PARD3: variants seen among roughly 807,000 people sequenced by gnomAD.
PARD3 encodes par-3 family cell polarity regulator.
Under a neutral mutation model 155.4 loss-of-function variants are expected in PARD3, and 75 were observed. The observed-to-expected ratio is 0.48, with a 90% CI of 0.40 to 0.58. The LOEUF is 0.58. Among genes scored for constraint, PARD3 ranks in the 20% least tolerant of loss-of-function variants. The probability of loss-of-function intolerance (pLI) is 0.00; values close to 1 mark genes in which losing one functional copy is unlikely to be tolerated. For synonymous variants in PARD3, 576 were observed against 610.5 expected (o/e 0.94, Z 0.83); for missense variants, 1,642 against 1,721.7 (o/e 0.95, Z 0.82).
intron 22 of PARD3, among the ~76,000 whole-genome samples, chr10:34,147,726 A>T (rs1452212597): frequency 6.6e-6 from 1 of 151,936 alleles, no homozygotes; most frequent in African/African-American, 2.4e-5. Context: ...TATATATATA[A>T]TTTTTTAAAA....
intron 22 of PARD3, among the ~76,000 whole-genome samples, chr10:34,145,205 ATATATATATATATATATTTTTTTT>A (rs1239749413): frequency 6.5e-5 from 4 of 61,278 alleles, no homozygotes; most frequent in Non-Finnish European, 1.2e-4. Context: ...ATATATATAT[ATATATATATATATATATTTTTTTT>A]TTTTTTTTTT....
intron 14 of PARD3, among the ~76,000 whole-genome samples, chr10:34,356,690 T>TCC (rs1838916300): frequency 6.6e-6 from 1 of 152,152 alleles, no homozygotes; most frequent in Non-Finnish European, 1.5e-5. Context: ...ACACATACCC[T>TCC]CCCAGTGTGC....
intron 2 of PARD3, among the ~76,000 whole-genome samples, chr10:34,565,329 G>A (rs1258597284): frequency 1.4e-5 from 2 of 138,762 alleles, no homozygotes; most frequent in Admixed American, 7.7e-5. Flanking sequence ...GTGCGGTGGC[G>A]CAATCTCAGC....
intron 2 of PARD3, among the ~76,000 whole-genome samples, chr10:34,542,563 T>C (rs1387343482): frequency 1.3e-5 from 2 of 152,166 alleles, no homozygotes; most frequent in African/African-American, 4.8e-5. Context: ...GACCCTATAC[T>C]TCATCCCATC....
intron 22 of PARD3, among the ~76,000 whole-genome samples, chr10:34,247,662 T>G (rs2133708534): frequency 6.6e-6 from 1 of 152,014 alleles, no homozygotes; most frequent in South Asian, 2.1e-4. Flanking sequence ...ATACAAATAT[T>G]TTGATGGTAA....
At chr10:34,123,326 G>A (rs1947105872) in intron 23 of PARD3, among the ~76,000 whole-genome samples, 1 of 152,178 alleles carries the variant, frequency 6.6e-6, no homozygotes, top group Middle Eastern at 3.4e-3. Flanking sequence ...CAAAGTACTT[G>A]TCTTTCTCAT....
intron 1 of PARD3, among the ~76,000 whole-genome samples, chr10:34,713,482 G>A (rs1192696727): frequency 6.6e-6 from 1 of 152,098 alleles, no homozygotes; most frequent in Non-Finnish European, 1.5e-5. Context: ...ACCAGGCCAG[G>A]TGCGGTGGCT....
chr10:34,293,950 T>C (rs1001829661), intron 20 of PARD3, among the ~76,000 whole-genome samples: 2 of 152,190 alleles, frequency 1.3e-5, no homozygotes, highest in Non-Finnish European at 2.9e-5. Context: ...ATTTAGTAAG[T>C]GGTACTGCCC....
chr10:34,581,234 CTTTTTT>C (rs779658592), intron 2 of PARD3, among the ~76,000 whole-genome samples: 15 of 101,248 alleles, frequency 1.5e-4, no homozygotes, highest in Middle Eastern at 7.6e-3. Flanking sequence ...TTTTTCTTTT[CTTTTTT>C]TTTTTTTTTT....
At chr10:34,149,620 T>C (rs1948685604) in intron 22 of PARD3, among the ~76,000 whole-genome samples, 1 of 152,306 alleles carries the variant, frequency 6.6e-6, no homozygotes, top group East Asian at 1.9e-4. Context: ...AGAGAAGGTG[T>C]TGCTACAGAT....
At chr10:34,313,117 G>A (rs959038490) in intron 20 of PARD3, among the ~76,000 whole-genome samples, 1 of 152,068 alleles carries the variant, frequency 6.6e-6, no homozygotes, top group African/African-American at 2.4e-5. Flanking sequence ...CCTCTTTCGT[G>A]ACAATTTCAT....
intron 1 of PARD3, among the ~76,000 whole-genome samples, chr10:34,732,603 C>T (rs1294298808): frequency 2.6e-5 from 4 of 151,974 alleles, no homozygotes; most frequent in Non-Finnish European, 5.9e-5. Flanking sequence ...GAGGCTGAGG[C>T]GGGAGGGTTG....
intron 22 of PARD3, among the ~76,000 whole-genome samples, chr10:34,150,342 G>A (rs558311828): frequency 6.6e-6 from 1 of 152,168 alleles, no homozygotes; most frequent in African/African-American, 2.4e-5. Flanking sequence ...GGCAGTCATC[G>A]ACATATACAC....
intron 5 of PARD3, among the ~76,000 whole-genome samples, chr10:34,412,566 A>G (rs961708213): frequency 2.6e-5 from 4 of 152,196 alleles, no homozygotes; most frequent in Admixed American, 6.5e-5. Context: ...CAGAATGTCC[A>G]TTTCAACAGA....
chr10:34,267,541 G>C (rs1221993537), intron 22 of PARD3, among the ~76,000 whole-genome samples: 4 of 152,002 alleles, frequency 2.6e-5, no homozygotes, highest in African/African-American at 9.7e-5. Context: ...AAATACTCTG[G>C]CTATAGCATT....
At chr10:34,373,867 T>C (rs183041281) in intron 11 of PARD3, among the ~76,000 whole-genome samples, 3 of 151,998 alleles carry the variant, frequency 2.0e-5, no homozygotes, top group Admixed American at 1.3e-4. Flanking sequence ...ATATAGAGAA[T>C]AAAATATAGT....
chr10:34,678,755 A>T (rs1421213719), intron 2 of PARD3, among the ~76,000 whole-genome samples: 2 of 152,168 alleles, frequency 1.3e-5, no homozygotes, highest in Non-Finnish European at 2.9e-5. Context: ...CTTTTTCAAA[A>T]TAATATTAAG....
At chr10:34,244,206 G>A (rs908355110) in intron 22 of PARD3, among the ~76,000 whole-genome samples, 14 of 152,092 alleles carry the variant, frequency 9.2e-5, no homozygotes, top group Non-Finnish European at 1.5e-4. Context: ...AGACAATGTC[G>A]AATTACCAGT....
chr10:34,570,861 A>T (rs2086334553), intron 2 of PARD3, among the ~76,000 whole-genome samples: 1 of 152,214 alleles, frequency 6.6e-6, no homozygotes, highest in Non-Finnish European at 1.5e-5. Context: ...TTGTGACCTC[A>T]GTAAATCCTA....
Sources: allele counts gnomAD v4.1 joint callset (sites outside exome capture counted in the v4.1 genomes callset), GRCh38; gene constraint gnomAD v4.1.1; transcripts MANE v1.5; gene names NCBI Gene and HGNC (gene_info 2026-07-23, HGNC 2026-07-21).